MSRA: variants seen among roughly 807,000 people sequenced by gnomAD.
MSRA encodes the protein methionine sulfoxide reductase A, also known as mitochondrial peptide methionine sulfoxide reductase.
A neutral mutation model predicts 31.3 loss-of-function variants in MSRA; 54 were observed. The ratio of observed to expected loss-of-function variants is 1.73; its 90% CI spans 1.39 to 2.17. The LOEUF is 2.17. Ranked by LOEUF, MSRA falls within the 30% of genes most tolerant of loss-of-function variation. MSRA has a pLI of 0.00. For synonymous variants in MSRA, 169 were observed against 116.5 expected (o/e 1.45, Z -2.90); for missense variants, 507 against 300.9 (o/e 1.69, Z -5.07).
chr8:10,298,503 G>A (rs1009532833), intron 3 of MSRA, among the ~76,000 whole-genome samples: 7 of 152,080 alleles, frequency 4.6e-5, no homozygotes, highest in Admixed American at 6.5e-5. Context: ...TAATGGGTAC[G>A]GAATATCAGT....
intron 2 of MSRA, among the ~76,000 whole-genome samples, chr8:10,211,687 A>C (rs1809511003): frequency 6.6e-6 from 1 of 152,160 alleles, no homozygotes; most frequent in Non-Finnish European, 1.5e-5. Flanking sequence ...CAGAGATTAA[A>C]GAAACATGGC....
chr8:10,290,563 A>G (rs1232129879), intron 3 of MSRA, among the ~76,000 whole-genome samples: 1 of 152,170 alleles, frequency 6.6e-6, no homozygotes. Context: ...GTGAGAATGC[A>G]TATGCCAGGC....
At chr8:10,101,973 C>CT (rs1187177645) in intron 1 of MSRA, among the ~76,000 whole-genome samples, 2 of 151,908 alleles carry the variant, frequency 1.3e-5, no homozygotes, top group African/African-American at 4.8e-5. Context: ...CTTCTTTTGC[C>CT]TTTGTGTTTT....
chr8:10,378,317 C>A (rs2129173126), intron 5 of MSRA, among the ~76,000 whole-genome samples: 1 of 152,258 alleles, frequency 6.6e-6, no homozygotes, highest in South Asian at 2.1e-4. Flanking sequence ...AAGCTGTTGC[C>A]CAGTGAGAGA....
At chr8:10,400,596 C>G (rs78780217) in intron 5 of MSRA, among the ~76,000 whole-genome samples, 2 of 152,080 alleles carry the variant, frequency 1.3e-5, no homozygotes, top group East Asian at 3.9e-4. Context: ...ACAAGCTGAC[C>G]GAGAGATGTA....
chr8:10,078,856 T>G (rs1382052646), intron 1 of MSRA, among the ~76,000 whole-genome samples: 1 of 152,270 alleles, frequency 6.6e-6, no homozygotes, highest in Non-Finnish European at 1.5e-5. Context: ...TGCAGCTGAA[T>G]TAACATGGAT....
chr8:10,334,028 G>A (rs764258023), intron 5 of MSRA, among the ~76,000 whole-genome samples: 1 of 152,064 alleles, frequency 6.6e-6, no homozygotes, highest in South Asian at 2.1e-4. Context: ...CCCGCCATTC[G>A]TGTGGTCTGA....
At chr8:10,135,344 C>T (rs1004801794) in intron 1 of MSRA, among the ~76,000 whole-genome samples, 1 of 152,114 alleles carries the variant, frequency 6.6e-6, no homozygotes, top group Non-Finnish European at 1.5e-5. Flanking sequence ...AAAAGAAATC[C>T]CAGTTTACTT....
rs553065144 is a variant in MSRA at position 10,160,868 on chromosome 8, T to C, written c.143-46965T>C. On this transcript the variant is annotated intron_variant, in intron 1 of 5. Transcript: ENST00000317173. ...AAAAACATGAATCCAAGAAGTGACTTGAGTTCCAAATAAATAAATTTATAA... is the reference window on the plus strand; with the variant it reads ...AAAAACATGAATCCAAGAAGTGACTCGAGTTCCAAATAAATAAATTTATAA... Among the ~76,000 whole-genome samples the C allele has an allele frequency of 3.9e-5, 6 of 152,344 alleles. No homozygotes were observed. The South Asian group carries it at 1.2e-3, about 32-fold the overall frequency.
chr8:10,254,064 T>C (rs1473873124), intron 3 of MSRA, among the ~76,000 whole-genome samples: 1 of 152,006 alleles, frequency 6.6e-6, no homozygotes, highest in Non-Finnish European at 1.5e-5. Context: ...TGGGAGTTAT[T>C]TACAAACCAC....
At chr8:10,142,237 C>T (rs895555464) in intron 1 of MSRA, among the ~76,000 whole-genome samples, 5 of 152,054 alleles carry the variant, frequency 3.3e-5, no homozygotes, top group African/African-American at 9.7e-5. Context: ...GGATTACAGG[C>T]ATGAGCCACC....
intron 1 of MSRA, among the ~76,000 whole-genome samples, chr8:10,104,902 G>C (rs1220577659): frequency 6.6e-6 from 1 of 152,156 alleles, no homozygotes; most frequent in Non-Finnish European, 1.5e-5. Flanking sequence ...ATATTCCTGT[G>C]CTAGAGTATC....
intron 3 of MSRA, among the ~76,000 whole-genome samples, chr8:10,294,558 C>T (rs534310246): frequency 4.4e-4 from 67 of 152,240 alleles, no homozygotes; most frequent in African/African-American, 1.6e-3. Flanking sequence ...GCTCCCAAAC[C>T]GAGTTCTTGA....
chr8:10,293,081 G>T (rs550339551), intron 3 of MSRA, among the ~76,000 whole-genome samples: 1 of 152,304 alleles, frequency 6.6e-6, no homozygotes, highest in South Asian at 2.1e-4. Context: ...TTTCCTCTCA[G>T]TAAAATGGAC....
intron 1 of MSRA, among the ~76,000 whole-genome samples, chr8:10,072,871 A>G (rs1036470063): frequency 6.6e-6 from 1 of 152,144 alleles, no homozygotes; most frequent in Non-Finnish European, 1.5e-5. Context: ...ATTGTAAATG[A>G]TATGGTATCT....
At chr8:10,348,065 A>T (rs1803895801) in intron 5 of MSRA, among the ~76,000 whole-genome samples, 1 of 152,206 alleles carries the variant, frequency 6.6e-6, no homozygotes, top group South Asian at 2.1e-4. Context: ...TTGCATCTAG[A>T]ATAACCCTCA....
chr8:10,362,658 A>G (rs890702161), intron 5 of MSRA, among the ~76,000 whole-genome samples: 4 of 151,758 alleles, frequency 2.6e-5, no homozygotes, highest in Non-Finnish European at 4.4e-5. Flanking sequence ...CTGCTCCCCC[A>G]CCAATTTCTC....
At chr8:10,136,100 T>A (rs962188059) in intron 1 of MSRA, among the ~76,000 whole-genome samples, 5 of 152,118 alleles carry the variant, frequency 3.3e-5, no homozygotes, top group Admixed American at 3.3e-4. Context: ...ATTTTAAATT[T>A]TAGGCCATGA....
chr8:10,204,096 G>A (rs1585161600), intron 1 of MSRA, among the ~76,000 whole-genome samples: 1 of 152,054 alleles, frequency 6.6e-6, no homozygotes, highest in East Asian at 1.9e-4. Context: ...AACAGGAAGA[G>A]CTTATAGAAT....
Sources: gnomAD v4.1 joint callset for allele counts (sites outside exome capture counted in the v4.1 genomes callset) on GRCh38, gnomAD v4.1.1 for gene constraint, MANE v1.5 for transcripts, NCBI Gene and HGNC (gene_info 2026-07-23, HGNC 2026-07-21) for gene names.